The following FMO1 variants were observed in gnomAD, a reference collection of about 807,000 sequenced individuals.
The protein encoded by FMO1 is flavin-containing monooxygenase 1.
FMO1 carries 36 observed loss-of-function variants against 45.4 expected under a neutral mutation model. The ratio of observed to expected loss-of-function variants is 0.79; its 90% CI spans 0.61 to 1.05. FMO1 has a LOEUF of 1.05. FMO1 is among the 50% of genes least tolerant of loss of function. The pLI, the probability that FMO1 is intolerant of heterozygous loss-of-function variation, is 0.00. For missense variants in FMO1, 615 were observed against 640.3 expected (o/e 0.96, Z 0.43); for synonymous variants, 228 against 227.2 (o/e 1.00, Z -0.03).
chr1:171,272,979 T>A (rs950569396), intron 3 of FMO1, among the ~76,000 whole-genome samples: 1 of 152,130 alleles, frequency 6.6e-6, no homozygotes, highest in Non-Finnish European at 1.5e-5. Context: ...GGTAGAGTAA[T>A]ATGGTTTGTC....
chr1:171,282,412 T>C, intron 7 of FMO1, 79 bp downstream of exon 7: 2 of 853,994 alleles, frequency 2.3e-6, no homozygotes, highest in Non-Finnish European at 3.7e-6. Flanking sequence ...AGACTATTAT[T>C]CCTCCTGCTT....
chr1:171,275,621 G>T, intron 4 of FMO1, 113 bp downstream of exon 4: 1 of 701,582 alleles, frequency 1.4e-6, no homozygotes. Flanking sequence ...AAAGTTGGGA[G>T]GTAGGAGGAG....
At chr1:171,257,464 C>T (rs1660207799) in intron 1 of FMO1, among the ~76,000 whole-genome samples, 1 of 152,086 alleles carries the variant, frequency 6.6e-6, no homozygotes, top group Admixed American at 6.5e-5. Flanking sequence ...TCTCTCTCTC[C>T]CACTGGTGAC....
intron 1 of FMO1, among the ~76,000 whole-genome samples, chr1:171,249,418 T>C (rs1386871670): frequency 1.3e-5 from 2 of 152,124 alleles, no homozygotes; most frequent in African/African-American, 4.8e-5. Context: ...TATTTGCTTG[T>C]TGTGGTTAGG....
chr1:171,278,624 T>C (rs1661212241), intron 4 of FMO1, 105 bp from the exon 5 acceptor site: 1 of 886,782 alleles, frequency 1.1e-6, no homozygotes, highest in South Asian at 2.3e-5. Context: ...CTAGTAAAAA[T>C]GACCAAAATC....
chr1:171,251,487 A>T (rs12090485), intron 1 of FMO1: 88,688 of 151,444 alleles, frequency 0.59, 28,689 homozygotes, highest in African/African-American at 0.86. Context: ...ACTTACTGAT[A>T]ACTCACTGAC....
intron 1 of FMO1, among the ~76,000 whole-genome samples, chr1:171,248,927 CA>C (rs756717773): frequency 7.4e-5 from 11 of 149,350 alleles, no homozygotes; most frequent in Admixed American, 5.3e-4. Context: ...GTGGTTGAAT[CA>C]AATGGGAAAA....
At chr1:171,273,924 G>T (rs932976372) in intron 3 of FMO1, among the ~76,000 whole-genome samples, 3 of 152,208 alleles carry the variant, frequency 2.0e-5, no homozygotes, top group East Asian at 1.9e-4. Flanking sequence ...CCAGCACTTT[G>T]GGGGGCCAAG....
In FMO1 at chr1:171,280,791, C is replaced by T. The variant is rs773708517; in HGVS notation, c.633C>T (p.Phe211=). ...ATGTCTTTGATTGCTTCCAGGTGTT[C>T]CTCAGCACCACCGGAGGGGGATGGG... is the stretch of plus-strand genomic sequence containing the variant. ...VEASHLAEKV[F]LSTTGGGWVI... is the part of the protein sequence containing the mutation. The change falls in exon 6 of 9, where the codon TTC becomes TTT. Residue 211 remains phenylalanine (F), a synonymous_variant. Coordinates refer to ENST00000617670, the MANE Select transcript of FMO1 (RefSeq NM_001282693.2). The T allele has an allele frequency of 1.2e-6, 2 of 1,612,038 alleles. No individual in the cohort carries two copies. Among genetic ancestry groups the T allele is most frequent in the Non-Finnish European group, 1.7e-6 (2 of 1,179,426 alleles).
chr1:171,275,742 A>G (rs753895084), intron 4 of FMO1, among the ~76,000 whole-genome samples: 1 of 152,056 alleles, frequency 6.6e-6, no homozygotes, highest in Non-Finnish European at 1.5e-5. Context: ...GGATAACTTT[A>G]TAAGTATTTT....
At chr1:171,283,075 C>T in intron 7 of FMO1, 69 bp from the exon 8 acceptor site, 2 of 820,884 alleles carry the variant, frequency 2.4e-6, no homozygotes, top group Non-Finnish European at 2.1e-6. Context: ...AGTAAAGCAT[C>T]TTTATCCATA....
chr1:171,272,904 G>T (rs1007235560), intron 3 of FMO1, among the ~76,000 whole-genome samples: 4 of 152,178 alleles, frequency 2.6e-5, no homozygotes, highest in Non-Finnish European at 5.9e-5. Flanking sequence ...GACCTTGGGG[G>T]GGAACTGTTG....
At chr1:171,253,857 G>A (rs1660018461) in intron 1 of FMO1, 1 of 152,284 alleles carries the variant, frequency 6.6e-6, no homozygotes, top group South Asian at 2.1e-4. Flanking sequence ...TGGTGGCCCA[G>A]GTAGAAGGCT....
intron 2 of FMO1, among the ~76,000 whole-genome samples, chr1:171,261,157 C>T (rs994162229): frequency 1.3e-5 from 2 of 152,156 alleles, no homozygotes; most frequent in African/African-American, 2.4e-5. Flanking sequence ...TCTCTTGACA[C>T]TGCAGCCTTT....
chr1:171,260,214 TCA>T (rs1412100865), intron 2 of FMO1, among the ~76,000 whole-genome samples: 6 of 152,176 alleles, frequency 3.9e-5, no homozygotes, highest in Non-Finnish European at 7.3e-5. Flanking sequence ...GGGTTTATAC[TCA>T]GTTTTAAAAG....
At chr1:171,279,226 C>CT (rs1207828766) in intron 5 of FMO1, among the ~76,000 whole-genome samples, 1 of 152,026 alleles carries the variant, frequency 6.6e-6, no homozygotes, top group Non-Finnish European at 1.5e-5. Context: ...CATTCCTCTC[C>CT]TTATTAATTA....
At chr1:171,248,939 A>G (rs1659751157) in intron 1 of FMO1, among the ~76,000 whole-genome samples, 1 of 147,656 alleles carries the variant, frequency 6.8e-6, no homozygotes, top group Non-Finnish European at 1.5e-5. Context: ...AATGGGAAAA[A>G]CTTGGATTTC....
intron 1 of FMO1, among the ~76,000 whole-genome samples, chr1:171,250,204 C>T (rs1220168387): frequency 6.6e-6 from 1 of 152,226 alleles, no homozygotes; most frequent in Non-Finnish European, 1.5e-5. Flanking sequence ...TGCACAACTT[C>T]TCAAACCTTG....
intron 2 of FMO1, among the ~76,000 whole-genome samples, chr1:171,264,675 G>A (rs1660532225): frequency 1.3e-5 from 2 of 152,024 alleles, no homozygotes; most frequent in Non-Finnish European, 2.9e-5. Context: ...GGATCACGAG[G>A]TCAGGAGATG....
Sources: allele counts gnomAD v4.1 joint callset (sites outside exome capture counted in the v4.1 genomes callset), GRCh38; gene constraint gnomAD v4.1.1; transcripts MANE v1.5; gene names NCBI Gene and HGNC (gene_info 2026-07-23, HGNC 2026-07-21).